RPAP2: variants seen among roughly 807,000 people sequenced by gnomAD.
The protein encoded by RPAP2 is putative RNA polymerase II subunit B1 CTD phosphatase RPAP2.
Under a neutral mutation model 73.1 loss-of-function variants are expected in RPAP2, and 52 were observed. The observed-to-expected ratio is 0.71, with a 90% CI of 0.57 to 0.90. RPAP2 has a LOEUF of 0.90. Ranked by LOEUF, RPAP2 falls within the 40% of genes least tolerant of loss-of-function variation. RPAP2 has a pLI of 0.00. For missense variants in RPAP2, 598 were observed against 701.8 expected, an observed-to-expected ratio of 0.85 and a Z score of 1.67; for synonymous variants, 225 against 242.1, an observed-to-expected ratio of 0.93 and a Z score of 0.65.
At chr1:92,381,593 T>TTC (rs1479344652) in intron 12 of RPAP2, among the ~76,000 whole-genome samples, 3 of 151,002 alleles carry the variant, frequency 2.0e-5, no homozygotes, top group African/African-American at 4.8e-5. Flanking sequence ...ATTTTCTTTT[T>TTC]TTTTTTTTTT....
chr1:92,383,121 C>A (rs1321826146), intron 12 of RPAP2, among the ~76,000 whole-genome samples: 2 of 151,556 alleles, frequency 1.3e-5, no homozygotes, highest in South Asian at 2.1e-4. Context: ...CTGTTCCATT[C>A]ATCTATATCT....
intron 11 of RPAP2, among the ~76,000 whole-genome samples, chr1:92,379,882 T>C (rs1047642335): frequency 1.3e-5 from 2 of 150,108 alleles, no homozygotes; most frequent in African/African-American, 2.5e-5. Flanking sequence ...TGAGCTGAGA[T>C]TGCACCACTG....
Position 92,367,395 on chromosome 1 carries a change from C to A in RPAP2, c.1689-13329C>A, listed in dbSNP as rs528596817. Among the ~76,000 whole-genome samples the A allele has an allele frequency of 8.5e-5, 13 of 152,294 alleles. 1 individual carries two copies. The highest frequency in any genetic ancestry group is 8.3e-4 in the South Asian group (4 of 4,828). On this transcript the variant is annotated intron_variant, in intron 11 of 12. Coordinates refer to ENST00000610020, the MANE Select transcript of RPAP2 (RefSeq NM_024813.3). ...CTTCAAAGTGTCAGGTATTATAATA[C>A]CCATTTGTTTTAATTGGTTAAAGTG... is the stretch of plus-strand genomic sequence containing the variant.
chr1:92,401,504 T>C lies in RPAP2; in HGVS notation c.*14493T>C, dbSNP rs1203879265. 1.3e-5 allele frequency: 2 copies of C among 152,236 alleles called. No homozygotes were observed. Among genetic ancestry groups the C allele is most frequent in the Non-Finnish European group, 2.9e-5 (2 of 68,042 alleles). The allele number at this position is 152,236 out of a possible 1,614,324, so 9.4% of individuals were successfully genotyped here. The stretch of plus-strand genomic sequence containing the variant: ...ATCAGCAAATAAAGATTATTGTACT[T>C]GTTCTTTGCCAACCCATATGTCTTG... On this transcript the variant is annotated 3_prime_UTR_variant, in exon 13 of 13. Coordinates refer to ENST00000610020, the MANE Select transcript of RPAP2 (RefSeq NM_024813.3).
chr1:92,301,404 T>C (rs1235116945), intron 2 of RPAP2, 72 bp from the exon 3 acceptor site: 3 of 717,274 alleles, frequency 4.2e-6, no homozygotes, highest in South Asian at 3.5e-5. Flanking sequence ...GTTAGGTTAG[T>C]ATTGTATTTT....
At chr1:92,361,116 CATATAT>C (rs10555168) in intron 11 of RPAP2, among the ~76,000 whole-genome samples, 7 of 148,304 alleles carry the variant, frequency 4.7e-5, no homozygotes, top group East Asian at 2.0e-4. Context: ...CACACACACA[CATATAT>C]ATATATATAC....
chr1:92,324,072 G>A lies in RPAP2; in HGVS notation c.1152G>A (p.Arg384=). 6.2e-7 allele frequency: 1 copy of A among 1,614,016 alleles called. No homozygotes were observed. Residue 384 remains arginine, a synonymous_variant, in exon 8 of 13, where the codon AGG becomes AGA. Coordinates refer to ENST00000610020, the MANE Select transcript of RPAP2 (RefSeq NM_024813.3). ...LIEWKTEETL[R]FLYGQNYASV... The stretch of plus-strand genomic sequence containing the variant: ...AGTGGAAGACAGAAGAAACATTGAG[G>A]TTTTTGTATGGCCAGAATTATGCTT...
At chr1:92,350,358 ATAAT>A (rs1295795792) in intron 11 of RPAP2, among the ~76,000 whole-genome samples, 1 of 152,206 alleles carries the variant, frequency 6.6e-6, no homozygotes, top group East Asian at 1.9e-4. Flanking sequence ...TATAACAGTG[ATAAT>A]TGATTGACTT....
intron 11 of RPAP2, among the ~76,000 whole-genome samples, chr1:92,373,308 A>C (rs1005362525): frequency 6.6e-6 from 1 of 152,218 alleles, no homozygotes; most frequent in Non-Finnish European, 1.5e-5. Flanking sequence ...CTCTAAAGTG[A>C]GGACAAATTT....
intron 11 of RPAP2, among the ~76,000 whole-genome samples, chr1:92,379,372 C>T (rs1490410881): frequency 6.6e-6 from 1 of 152,030 alleles, no homozygotes; most frequent in Non-Finnish European, 1.5e-5. Flanking sequence ...CTTGTAAGAA[C>T]TCTGAGACGC....
At chr1:92,334,907 G>A (rs539105988) in intron 9 of RPAP2, among the ~76,000 whole-genome samples, 23 of 152,190 alleles carry the variant, frequency 1.5e-4, no homozygotes, top group Admixed American at 1.4e-3. Context: ...AGAATGGCCC[G>A]AACCCAGGAG....
Position 92,300,254 on chromosome 1 carries a change from T to G in RPAP2, c.119+15T>G, listed in dbSNP as rs377748337. 1.5e-5 allele frequency: 24 copies of G among 1,595,180 alleles called. No homozygotes were observed. The African/African-American group carries it at 2.7e-4, about 18-fold the overall frequency. On this transcript the variant is annotated intron_variant, in intron 2 of 12. Transcript: ENST00000610020. ...GCTTCTAAAAGGTATGACAGCTACA[T>G]GGACAACTACATTGGCATATCTACT...
At chr1:92,314,290 A>C (rs1030950673) in intron 6 of RPAP2, among the ~76,000 whole-genome samples, 1 of 150,850 alleles carries the variant, frequency 6.6e-6, no homozygotes, top group East Asian at 1.9e-4. Context: ...TTGAACACTC[A>C]GAGGCCATTG....
chr1:92,331,510 G>T (rs1652967416), intron 8 of RPAP2, among the ~76,000 whole-genome samples: 1 of 151,824 alleles, frequency 6.6e-6, no homozygotes, highest in African/African-American at 2.4e-5. Flanking sequence ...TCATTAAATG[G>T]TTACCCTAAG....
intron 11 of RPAP2, among the ~76,000 whole-genome samples, chr1:92,361,877 T>C (rs1168351474): frequency 2.6e-5 from 4 of 152,134 alleles, no homozygotes; most frequent in Admixed American, 6.6e-5. Context: ...AATAGAAGAA[T>C]TGGTTATAGA....
chr1:92,325,922 CATTT>C (rs973610042), intron 8 of RPAP2, among the ~76,000 whole-genome samples: 2 of 151,734 alleles, frequency 1.3e-5, no homozygotes, highest in African/African-American at 4.8e-5. Flanking sequence ...ATAAATATAC[CATTT>C]ATTTATGCTA....
intron 7 of RPAP2, among the ~76,000 whole-genome samples, chr1:92,322,765 T>C (rs908832816): frequency 3.3e-5 from 5 of 151,516 alleles, no homozygotes; most frequent in African/African-American, 1.2e-4. Context: ...TAATCCCAGC[T>C]ACTTGGGAGG....
chr1:92,353,104 G>T (rs1423701248), intron 11 of RPAP2, among the ~76,000 whole-genome samples: 1 of 151,908 alleles, frequency 6.6e-6, no homozygotes, highest in Non-Finnish European at 1.5e-5. Flanking sequence ...ACAAACATTT[G>T]GGTTATTTCC....
At chr1:92,318,710 C>T (rs1324106847) in intron 6 of RPAP2, among the ~76,000 whole-genome samples, 1 of 152,080 alleles carries the variant, frequency 6.6e-6, no homozygotes, top group African/African-American at 2.4e-5. Context: ...CTCTCCTGGG[C>T]CTTGCTTTAT....
Sources: allele counts gnomAD v4.1 joint callset (sites outside exome capture counted in the v4.1 genomes callset), GRCh38; gene constraint gnomAD v4.1.1; transcripts MANE v1.5; gene names NCBI Gene and HGNC (gene_info 2026-07-23, HGNC 2026-07-21).